The following TUSC3 variants were observed in gnomAD, a reference collection of about 807,000 sequenced individuals.
The protein encoded by TUSC3 is dolichyl-diphosphooligosaccharide--protein glycosyltransferase subunit TUSC3.
A neutral mutation model predicts 44.8 loss-of-function variants in TUSC3; 45 were observed. The observed-to-expected ratio is 1.00, with a 90% CI of 0.79 to 1.29. The LOEUF is 1.29. Among genes scored for constraint, TUSC3 ranks in the 50% most tolerant of loss-of-function variants. The probability of loss-of-function intolerance (pLI) is 0.00; values close to 1 mark genes in which losing one functional copy is unlikely to be tolerated. For synonymous variants in TUSC3, 212 were observed against 152.9 expected (o/e 1.39, Z -2.85); for missense variants, 519 against 437.9 (o/e 1.19, Z -1.65).
intron 1 of TUSC3, among the ~76,000 whole-genome samples, chr8:15,553,420 G>A (rs1448421962): frequency 6.6e-6 from 1 of 151,166 alleles, no homozygotes; most frequent in East Asian, 2.0e-4. Flanking sequence ...AGGAAATGCA[G>A]CAGAATTTTG....
chr8:15,559,122 T>C (rs1802368354), intron 1 of TUSC3, among the ~76,000 whole-genome samples: 2 of 145,352 alleles, frequency 1.4e-5, no homozygotes, highest in African/African-American at 2.5e-5. Flanking sequence ...TCTTTCCTGC[T>C]TTCTCTTGTG....
chr8:15,525,649 C>T (rs1298629596), intron 2 of TUSC3, among the ~76,000 whole-genome samples: 2 of 152,184 alleles, frequency 1.3e-5, no homozygotes, highest in East Asian at 1.9e-4. Context: ...CAGGGCTAGG[C>T]AGATAATCCA....
At chr8:15,631,975 G>A (rs964071000) in intron 2 of TUSC3, among the ~76,000 whole-genome samples, 5 of 152,166 alleles carry the variant, frequency 3.3e-5, no homozygotes, top group African/African-American at 1.2e-4. Flanking sequence ...CCAAAGTGCT[G>A]GGATTACAGG....
the TUSC3 span, among the ~76,000 whole-genome samples, chr8:15,845,118 TA>T: frequency 1.3e-5 from 2 of 152,156 alleles, no homozygotes; most frequent in East Asian, 3.8e-4. Context: ...GGCAAAATCA[TA>T]AGTTAGAACA....
intron 2 of TUSC3, among the ~76,000 whole-genome samples, chr8:15,501,301 A>T (rs748077672): frequency 5.3e-5 from 8 of 152,194 alleles, no homozygotes; most frequent in Non-Finnish European, 1.0e-4. Context: ...AATAAAATGC[A>T]TCCCTTTTCC....
chr8:15,818,155 G>A, the TUSC3 span, among the ~76,000 whole-genome samples: 1 of 152,184 alleles, frequency 6.6e-6, no homozygotes, highest in South Asian at 2.1e-4. Context: ...TTCTGTCAGG[G>A]GATGATGTCA....
At chr8:15,827,119 C>G in the TUSC3 span, among the ~76,000 whole-genome samples, 73 of 152,174 alleles carry the variant, frequency 4.8e-4, no homozygotes, top group African/African-American at 1.7e-3. Flanking sequence ...CTTTTCTTAC[C>G]GATATGGAGG....
chr8:15,553,001 T>G (rs914802758), intron 1 of TUSC3, among the ~76,000 whole-genome samples: 2 of 151,628 alleles, frequency 1.3e-5, no homozygotes, highest in African/African-American at 4.8e-5. Context: ...TAATTGGTTG[T>G]GTGCGGAATG....
the TUSC3 span, among the ~76,000 whole-genome samples, chr8:15,785,024 C>T: frequency 1.4e-5 from 2 of 139,340 alleles, no homozygotes; most frequent in South Asian, 2.3e-4. Flanking sequence ...TATATATATA[C>T]ACACAATTAT....
chr8:15,616,389 C>G (rs1804988778), intron 1 of TUSC3, among the ~76,000 whole-genome samples: 1 of 152,092 alleles, frequency 6.6e-6, no homozygotes, highest in Non-Finnish European at 1.5e-5. Flanking sequence ...ACCAGCCTGG[C>G]CAACATGGCA....
In TUSC3 at chr8:15,502,543, T is replaced by C. The variant is rs576486696; in HGVS notation, n.189+19060T>C. On this transcript the variant is annotated intron_variant and non_coding_transcript_variant, in intron 2 of 5. Transcript: ENST00000503191. ...TCTCGCTCTGTCGCCTGGGCTGGAG[T>C]GCAGTGGCGCGATCTCCGCTCACTG... 1.1e-4 allele frequency among the ~76,000 whole-genome samples: 17 copies of C among 152,328 alleles called. No individual in the cohort carries two copies. The East Asian group carries it at 1.3e-3, about 12-fold the overall frequency.
intron 6 of TUSC3, among the ~76,000 whole-genome samples, chr8:15,704,343 G>T (rs1809529724): frequency 6.7e-6 from 1 of 150,360 alleles, no homozygotes; most frequent in Non-Finnish European, 1.5e-5. Flanking sequence ...TGATTAGAGT[G>T]ACACGGTGCT....
At chr8:15,648,398 C>G (rs971631775) in intron 2 of TUSC3, among the ~76,000 whole-genome samples, 1 of 152,006 alleles carries the variant, frequency 6.6e-6, no homozygotes, top group African/African-American at 2.4e-5. Flanking sequence ...CGCGGGCAGA[C>G]TCTGAGGGTT....
chr8:15,780,257 T>G, the TUSC3 span, among the ~76,000 whole-genome samples: 2 of 152,126 alleles, frequency 1.3e-5, no homozygotes, highest in South Asian at 2.1e-4. Flanking sequence ...GAGGCACACT[T>G]GGGCATGGAC....
intron 9 of TUSC3, among the ~76,000 whole-genome samples, chr8:15,751,546 G>A (rs185879211): frequency 6.6e-6 from 1 of 152,134 alleles, no homozygotes; most frequent in East Asian, 1.9e-4. Context: ...TCATCCCCCA[G>A]TATAGGGGCG....
At chr8:15,703,449 C>G (rs1231337020) in intron 6 of TUSC3, among the ~76,000 whole-genome samples, 1 of 151,968 alleles carries the variant, frequency 6.6e-6, no homozygotes, top group Non-Finnish European at 1.5e-5. Flanking sequence ...TTTAAACATT[C>G]ATTAGTGATA....
In TUSC3 at chr8:15,765,221, T is replaced by C. The variant is rs1812293885; in HGVS notation, c.*1065T>C. 2 of 152,084 alleles carry C rather than the reference T, an allele frequency of 1.3e-5. No homozygotes were observed. Among genetic ancestry groups the C allele is most frequent in the South Asian group, 4.1e-4 (2 of 4,832 alleles). 9.4% of individuals were successfully genotyped at this position (152,084 alleles called of 1,614,324 possible). ...AATTTTATCTGACTCATAGAACTAATGGAAGCTGAAAGCCAAAAATAAAGT... is the reference window on the plus strand; with the variant it reads ...AATTTTATCTGACTCATAGAACTAACGGAAGCTGAAAGCCAAAAATAAAGT... On this transcript the variant is annotated 3_prime_UTR_variant, in exon 11 of 11. Transcript: ENST00000503731.
chr8:15,512,585 C>T (rs978185667), intron 2 of TUSC3, among the ~76,000 whole-genome samples: 4 of 152,044 alleles, frequency 2.6e-5, no homozygotes, highest in Admixed American at 1.3e-4. Flanking sequence ...CCAGCCTGGG[C>T]AACATGGGAA....
At chr8:15,497,176 T>C (rs750363281) in intron 2 of TUSC3, among the ~76,000 whole-genome samples, 3 of 152,192 alleles carry the variant, frequency 2.0e-5, no homozygotes, top group Non-Finnish European at 4.4e-5. Flanking sequence ...TTGGTAAGCA[T>C]CTCTGAGAAG....
Sources: allele counts gnomAD v4.1 joint callset (sites outside exome capture counted in the v4.1 genomes callset), GRCh38; gene constraint gnomAD v4.1.1; transcripts MANE v1.5; gene names NCBI Gene and HGNC (gene_info 2026-07-23, HGNC 2026-07-21).